SMIM31: variants seen among roughly 807,000 people sequenced by gnomAD.
SMIM31 encodes the protein small integral membrane protein 31.
At chr4:164,774,153 G>T (rs558683969) in intron 2 of SMIM31, among the ~76,000 whole-genome samples, 3 of 137,028 alleles carry the variant, frequency 2.2e-5, no homozygotes, top group African/African-American at 8.0e-5. Context: ...GCAACAGAGC[G>T]AGACTCTGTC....
chr4:164,794,983 G>A (rs1733170716), intron 2 of SMIM31, among the ~76,000 whole-genome samples: 1 of 151,574 alleles, frequency 6.6e-6, no homozygotes, highest in South Asian at 2.1e-4. Flanking sequence ...AGTGGAATTA[G>A]AAAAGAATAA....
In SMIM31 at chr4:164,754,268, T is replaced by A. The variant is rs1732522622; in HGVS notation, c.-169T>A. ...GAAGTGGCATCAGGAAGTGCCTACA[T>A]TTTCATGGCCTGGTAGCGTTCAGTG... On this transcript the variant is annotated 5_prime_UTR_variant, in exon 1 of 3. Coordinates refer to ENST00000507311, the MANE Select transcript of SMIM31 (RefSeq NM_001352885.1). The A allele has an allele frequency of 6.6e-6, 1 of 152,154 alleles. No individual in the cohort carries two copies. Among genetic ancestry groups the A allele is most frequent in the Admixed American group, 6.6e-5 (1 of 15,266 alleles). 9.4% of individuals were successfully genotyped at this position (152,154 alleles called of 1,614,324 possible).
At chr4:164,796,295 G>T (rs1422026631) in intron 2 of SMIM31, among the ~76,000 whole-genome samples, 2 of 152,152 alleles carry the variant, frequency 1.3e-5, no homozygotes, top group Non-Finnish European at 2.9e-5. Context: ...CTGCGGTGAT[G>T]ATTTTAAATC....
chr4:164,792,195 T>C (rs1733110482), intron 2 of SMIM31, among the ~76,000 whole-genome samples: 1 of 152,232 alleles, frequency 6.6e-6, no homozygotes, highest in African/African-American at 2.4e-5. Context: ...GGCCACAGAC[T>C]ACACTTTAAG....
intron 2 of SMIM31, among the ~76,000 whole-genome samples, chr4:164,795,489 C>T (rs1300635735): frequency 7.8e-6 from 1 of 128,048 alleles, no homozygotes; most frequent in South Asian, 2.6e-4. Flanking sequence ...ACCTGGGAGG[C>T]GGAGAGGTTG....
At chr4:164,768,427 C>CAAAAAAAAAAAAAAAAA (rs758951225) in intron 1 of SMIM31, among the ~76,000 whole-genome samples, 5 of 94,688 alleles carry the variant, frequency 5.3e-5, no homozygotes, top group East Asian at 3.4e-4. Context: ...CAGTACATCT[C>CAAAAAAAAAAAAAAAAA]AAAAAAAAAA....
At position 164,783,245 on chromosome 4, in the gene SMIM31, C is replaced by T. The variant is rs1011685200; in HGVS notation, c.112+12690C>T. 8.0e-4 allele frequency among the ~76,000 whole-genome samples: 106 copies of T among 132,376 alleles called. 1 individual carries two copies. The highest frequency in any genetic ancestry group is 2.8e-3 in the African/African-American group (99 of 35,860). The allele number at this position is 132,376 out of a possible 152,430, so 86.8% of individuals were successfully genotyped here. The stretch of plus-strand genomic sequence containing the variant: ...AAAAAAAAAAAAAGGAATTTCTGGC[C>T]GGGTGCTGTGGCTCACACCTGTAAT... On this transcript the variant is annotated intron_variant, in intron 2 of 2. Coordinates refer to ENST00000507311, the MANE Select transcript of SMIM31 (RefSeq NM_001352885.1).
chr4:164,754,506 A>T (rs1018115758), intron 1 of SMIM31, 95 bp downstream of exon 1: 2 of 148,952 alleles, frequency 1.3e-5, no homozygotes, highest in Non-Finnish European at 3.0e-5. Flanking sequence ...GTAATATTTA[A>T]CTGCCACAGC....
At chr4:164,791,763 G>C (rs1371509222) in intron 2 of SMIM31, among the ~76,000 whole-genome samples, 8 of 152,060 alleles carry the variant, frequency 5.3e-5, no homozygotes, top group Non-Finnish European at 2.9e-5. Context: ...TTATTGTGGA[G>C]TGGTGAAGTC....
At chr4:164,800,958 G>A (rs1454304874) in intron 2 of SMIM31, 133 bp from the exon 3 acceptor site, 1 of 390,204 alleles carries the variant, frequency 2.6e-6, no homozygotes, top group African/African-American at 2.1e-5. Context: ...CTTTCGCTAG[G>A]TGTAATCCCT....
At chr4:164,782,698 C>T (rs1732970544) in intron 2 of SMIM31, among the ~76,000 whole-genome samples, 1 of 151,554 alleles carries the variant, frequency 6.6e-6, no homozygotes, top group Non-Finnish European at 1.5e-5. Flanking sequence ...CTACTTAATT[C>T]AGCATTGAAT....
intron 2 of SMIM31, among the ~76,000 whole-genome samples, chr4:164,772,354 C>T (rs2110934252): frequency 6.6e-6 from 1 of 152,246 alleles, no homozygotes; most frequent in South Asian, 2.1e-4. Flanking sequence ...GATCCAATCA[C>T]CTCTCACCAG....
At chr4:164,762,683 A>AG in intron 1 of SMIM31, among the ~76,000 whole-genome samples, 1 of 140,860 alleles carries the variant, frequency 7.1e-6, no homozygotes, top group East Asian at 2.0e-4. Flanking sequence ...AAAAAAAAAA[A>AG]GAAAAAGAAA....
At chr4:164,756,817 G>A (rs1732569028) in intron 1 of SMIM31, among the ~76,000 whole-genome samples, 1 of 152,058 alleles carries the variant, frequency 6.6e-6, no homozygotes, top group South Asian at 2.1e-4. Context: ...TGTAATTTGT[G>A]TATCCATTCT....
intron 2 of SMIM31, among the ~76,000 whole-genome samples, chr4:164,793,883 A>G (rs948698711): frequency 6.6e-6 from 1 of 152,202 alleles, no homozygotes; most frequent in Non-Finnish European, 1.5e-5. Context: ...CGTAAGACTC[A>G]AAAATATAAA....
chr4:164,763,926 T>C (rs180949149), intron 1 of SMIM31, among the ~76,000 whole-genome samples: 61 of 152,318 alleles, frequency 4.0e-4, no homozygotes, highest in African/African-American at 1.4e-3. Context: ...CAAAGGAATC[T>C]TCAAACATTC....
rs541204005 is a variant in SMIM31 at position 164,756,753 on chromosome 4, A to G, written c.-26+2342A>G. Among the ~76,000 whole-genome samples, 11 of 152,158 alleles carry G rather than the reference A, an allele frequency of 7.2e-5. 1 individual carries two copies. The highest frequency in any genetic ancestry group is 2.6e-4 in the African/African-American group (11 of 41,516). On this transcript the variant is annotated intron_variant, in intron 1 of 2. Transcript: ENST00000507311. ...TTTTCTTCAGATTCATTTGTCTTGT[A>G]TGTATCACAAAATCGTTCTTTTTAA...
intron 2 of SMIM31, among the ~76,000 whole-genome samples, chr4:164,773,068 CTCTT>C (rs1282211846): frequency 2.2e-5 from 3 of 137,444 alleles, no homozygotes; most frequent in Non-Finnish European, 3.1e-5. Flanking sequence ...ATATATACTT[CTCTT>C]TCTTTCTGCA....
rs139508873 is a variant in SMIM31 at position 164,803,319 on chromosome 4, TC to T, written c.*2127del. Reference sequence around the variant, plus strand: ...CCAGGCGCCGTGGGCATGCTTATAGTCCAAGCTACTCACAAGGCTGAGGCAG... The same window carrying T: ...CCAGGCGCCGTGGGCATGCTTATAGTCAAGCTACTCACAAGGCTGAGGCAG... On this transcript the variant is annotated 3_prime_UTR_variant, in exon 3 of 3. Coordinates refer to ENST00000507311, the MANE Select transcript of SMIM31 (RefSeq NM_001352885.1). 8,727 of 152,416 alleles carry T rather than the reference TC, an allele frequency of 0.057. 268 individuals carry two copies. Among genetic ancestry groups the T allele is most frequent in the Non-Finnish European group, 0.078 (5,353 of 68,218 alleles). 9.4% of individuals were successfully genotyped at this position (152,416 alleles called of 1,614,324 possible). A position where few individuals can be genotyped will look rare whatever the true frequency, so the allele number is the denominator to read the frequency against.
Sources: gnomAD v4.1 joint callset for allele counts (sites outside exome capture counted in the v4.1 genomes callset) on GRCh38, gnomAD v4.1.1 for gene constraint, MANE v1.5 for transcripts, NCBI Gene and HGNC (gene_info 2026-07-23, HGNC 2026-07-21) for gene names.